Variants in TPX2 observed in about 807,000 individuals in gnomAD.
The protein encoded by TPX2 is targeting protein for Xklp2.
A neutral mutation model predicts 93.6 loss-of-function variants in TPX2; 21 were observed. That is an observed-to-expected ratio of 0.22 (90% CI 0.16 to 0.32). The LOEUF is 0.32. Among genes scored for constraint, TPX2 ranks in the 10% least tolerant of loss-of-function variants. The pLI is 1.00. For synonymous variants in TPX2, 281 were observed against 298.3 expected (o/e 0.94, Z 0.60); for missense variants, 776 against 871.1 (o/e 0.89, Z 1.37).
At chr20:31,756,367 G>GATTT (rs1443787765) in intron 2 of TPX2, among the ~76,000 whole-genome samples, 2 of 152,170 alleles carry the variant, frequency 1.3e-5, no homozygotes, top group African/African-American at 4.8e-5. Context: ...AGTTCATAGA[G>GATTT]ATTTGACCTG....
chr20:31,777,675 A>G, intron 9 of TPX2, 37 bp downstream of exon 9: 3 of 1,598,668 alleles, frequency 1.9e-6, no homozygotes, highest in Non-Finnish European at 2.6e-6. Flanking sequence ...TCTGTTACTA[A>G]TATTCATTTA....
At chr20:31,753,584 A>G (rs1320494717) in intron 2 of TPX2, among the ~76,000 whole-genome samples, 1 of 148,436 alleles carries the variant, frequency 6.7e-6, no homozygotes, top group Non-Finnish European at 1.5e-5. Flanking sequence ...CTAAAATATC[A>G]TGTTTCTACA....
intron 15 of TPX2, 83 bp downstream of exon 15, chr20:31,794,631 G>T: frequency 6.6e-7 from 1 of 1,515,788 alleles, no homozygotes; most frequent in Non-Finnish European, 8.9e-7. Flanking sequence ...GAAATCACCT[G>T]GGTTAACATG....
In TPX2 at chr20:31,792,755, A is replaced by G; in HGVS notation, c.1434A>G (p.Val478=). ...TTCAGGGTGTTCCTGAAAAGAAGGT[A>G]CTTCCAATCACCGTCCCCAAGTCAC... ...EDVVGVPEKK[V]LPITVPKSPA... Residue 478 remains valine (V), a synonymous_variant, in exon 13 of 18, where the codon GTA becomes GTG. Coordinates refer to ENST00000300403, the MANE Select transcript of TPX2 (RefSeq NM_012112.5). The G allele has an allele frequency of 3.7e-6, 6 of 1,614,232 alleles. No homozygotes were observed. The highest frequency in any genetic ancestry group is 5.1e-6 in the Non-Finnish European group (6 of 1,180,030).
chr20:31,789,190 G>A (rs1002004744), intron 12 of TPX2, among the ~76,000 whole-genome samples: 1 of 152,162 alleles, frequency 6.6e-6, no homozygotes, highest in Non-Finnish European at 1.5e-5. Flanking sequence ...AAATTTGGAA[G>A]TATTTAATTT....
intron 2 of TPX2, among the ~76,000 whole-genome samples, chr20:31,744,593 C>T (rs6058448): frequency 0.28 from 42,952 of 151,684 alleles, 7,450 homozygotes; most frequent in African/African-American, 0.48. Context: ...ACTTCAGTGG[C>T]GTGATCACAG....
At chr20:31,742,034 C>T (rs1253058791) in intron 1 of TPX2, among the ~76,000 whole-genome samples, 6 of 152,064 alleles carry the variant, frequency 3.9e-5, no homozygotes, top group Admixed American at 3.9e-4. Flanking sequence ...GGAGGGCTTC[C>T]GTTTTTGTTT....
intron 15 of TPX2, among the ~76,000 whole-genome samples, chr20:31,796,928 G>A (rs2062142381): frequency 6.6e-6 from 1 of 151,500 alleles, no homozygotes. Flanking sequence ...AATGTGTAAT[G>A]ATCTGATCAG....
In TPX2 at chr20:31,797,452, C is replaced by A; in HGVS notation, c.1882C>A (p.Arg628Ser). ...QQKEAACFKA[R>S]PNTVISQEPF... The stretch of plus-strand genomic sequence containing the variant: ...GAAAGAAGCAGCTTGTTTCAAGGCT[C>A]GTCCAAACACCGTCATCTCTCAGGA... The change falls in exon 16 of 18, where the codon CGT becomes AGT. Residue 628 changes from arginine to serine, a missense_variant. Arg to Ser is a moderately radical substitution (Grantham distance 110, BLOSUM62 -1). Around this residue, in one of 3 missense-constraint regions of TPX2, gnomAD observed 461 missense variants for 551.2 expected, o/e 0.84. Transcript: ENST00000300403. 6.2e-7 allele frequency: 1 copy of A among 1,614,010 alleles called. No homozygotes were observed. The highest frequency in any genetic ancestry group is 8.5e-7 in the Non-Finnish European group (1 of 1,179,932).
At position 31,794,090 on chromosome 20, in the gene TPX2, T is replaced by C. The variant is rs2062120102; in HGVS notation, c.1686+66T>C. 8.1e-6 allele frequency: 12 copies of C among 1,473,158 alleles called. No individual in the cohort carries two copies. In the South Asian group the frequency reaches 1.7e-4, roughly 21 times the overall value. 91.3% of individuals were successfully genotyped at this position (1,473,158 alleles called of 1,614,324 possible). ...TTGATCCCTCAAAGACAGTTTTTTC[T>C]GTAGCACTTTTAACTATAAAATCAC... On this transcript the variant is annotated intron_variant, in intron 14 of 17. Transcript: ENST00000300403.
chr20:31,740,195 T>C (rs755099804), intron 1 of TPX2, among the ~76,000 whole-genome samples: 2 of 152,236 alleles, frequency 1.3e-5, no homozygotes, highest in African/African-American at 2.4e-5. Context: ...TATAATTTTC[T>C]AGTAGTTCAG....
At position 31,776,063 on chromosome 20, in the gene TPX2, T is replaced by TG. The variant is rs1568592506; in HGVS notation, c.730+75_730+76insG. ...CTCTTGGTAGGTGTTTTTTTTTTTT[T>TG]TTTTTTTTTTTTTTTTTTTTTTTTT... On this transcript the variant is annotated intron_variant, in intron 8 of 17. Transcript: ENST00000300403. 3.5e-5 allele frequency: 17 copies of TG among 479,270 alleles called. No individual in the cohort carries two copies. The African/African-American group carries it at 2.4e-3, about 67-fold the overall frequency. 29.7% of individuals were successfully genotyped at this position (479,270 alleles called of 1,614,324 possible).
intron 10 of TPX2, chr20:31,780,905 A>G (rs777886439): frequency 2.6e-6 from 1 of 390,486 alleles, no homozygotes; most frequent in South Asian, 1.9e-5. Context: ...TTATTTATTT[A>G]TTTATTTATT....
At chr20:31,800,563 C>T (rs2062164700) in intron 17 of TPX2, among the ~76,000 whole-genome samples, 1 of 152,172 alleles carries the variant, frequency 6.6e-6, no homozygotes, top group South Asian at 2.1e-4. Context: ...AGGATTCAGG[C>T]TTTTGGTGAA....
At chr20:31,755,249 C>G (rs990516202) in intron 2 of TPX2, among the ~76,000 whole-genome samples, 9 of 150,866 alleles carry the variant, frequency 6.0e-5, no homozygotes, top group Non-Finnish European at 1.2e-4. Flanking sequence ...TGCCCGGCCG[C>G]TTTTTTGTAT....
chr20:31,754,582 G>A (rs967473493), intron 2 of TPX2, among the ~76,000 whole-genome samples: 1 of 152,190 alleles, frequency 6.6e-6, no homozygotes, highest in African/African-American at 2.4e-5. Flanking sequence ...TCCTGGTAAT[G>A]TAAGTGGGTG....
Position 31,792,761 on chromosome 20 carries a change from A to C in TPX2, c.1440A>C (p.Pro480=). 1 of 1,614,242 alleles carries C rather than the reference A, an allele frequency of 6.2e-7. No homozygotes were observed. Among genetic ancestry groups the C allele is most frequent in the African/African-American group, 1.3e-5 (1 of 75,066 alleles). ...GTGTTCCTGAAAAGAAGGTACTTCC[A>C]ATCACCGTCCCCAAGTCACCAGCCT... ...VVGVPEKKVL[P]ITVPKSPAFA... The change falls in exon 13 of 18, where the codon CCA becomes CCC. Residue 480 remains proline (P), a synonymous_variant. Transcript: ENST00000300403.
At chr20:31,795,339 G>A (rs1394157404) in intron 15 of TPX2, among the ~76,000 whole-genome samples, 1 of 152,170 alleles carries the variant, frequency 6.6e-6, no homozygotes, top group African/African-American at 2.4e-5. Flanking sequence ...TTGCCATGTT[G>A]GCCAGGCTGG....
chr20:31,776,149 C>T (rs1461901017), intron 8 of TPX2, among the ~76,000 whole-genome samples, 161 bp downstream of exon 8: 3 of 144,144 alleles, frequency 2.1e-5, no homozygotes, highest in Non-Finnish European at 3.0e-5. Flanking sequence ...GGCGCAATCT[C>T]GGCTCACTGC....
Sources: gnomAD v4.1 joint callset for allele counts (sites outside exome capture counted in the v4.1 genomes callset) on GRCh38, gnomAD v4.1.1 for gene constraint, gnomAD v4.1.1 regional missense constraint, MANE v1.5 for transcripts, NCBI Gene and HGNC (gene_info 2026-07-23, HGNC 2026-07-21) for gene names.